The following RRN3 variants were observed in gnomAD, a reference collection of about 807,000 sequenced individuals.
RRN3 encodes RNA polymerase I transcription factor RRN3, also known as RNA polymerase I-specific transcription initiation factor RRN3.
A neutral mutation model predicts 82.3 loss-of-function variants in RRN3; 38 were observed. The observed-to-expected ratio is 0.46, with a 90% CI of 0.36 to 0.61. RRN3 has a LOEUF of 0.61. RRN3 is among the 20% of genes least tolerant of loss of function. The pLI, the probability that RRN3 is intolerant of heterozygous loss-of-function variation, is 0.00. For synonymous variants in RRN3, 284 were observed against 284.3 expected (o/e 1.00, Z 0.01); for missense variants, 726 against 793.1 (o/e 0.92, Z 1.02).
intron 3 of RRN3, among the ~76,000 whole-genome samples, chr16:15,086,683 T>C (rs2045927202): frequency 6.6e-6 from 1 of 152,190 alleles, no homozygotes; most frequent in South Asian, 2.1e-4. Flanking sequence ...AAGACTTAAA[T>C]GCAATACTTC....
intron 15 of RRN3, among the ~76,000 whole-genome samples, chr16:15,065,976 T>C (rs1452573396): frequency 6.6e-6 from 1 of 152,252 alleles, no homozygotes; most frequent in Non-Finnish European, 1.5e-5. Flanking sequence ...AAGACAATTA[T>C]GTTTTTAATT....
At chr16:15,083,166 C>T (rs957525999) in intron 8 of RRN3, among the ~76,000 whole-genome samples, 2 of 152,040 alleles carry the variant, frequency 1.3e-5, no homozygotes, top group African/African-American at 2.4e-5. Context: ...TTTGGGAGGC[C>T]GAGGCAGGCA....
intron 16 of RRN3, 143 bp downstream of exon 16, chr16:15,065,076 G>C (rs2044904167): frequency 1.3e-6 from 1 of 748,300 alleles, no homozygotes; most frequent in Non-Finnish European, 2.2e-6. Context: ...TGAGTCAGGA[G>C]AATGGTGTGA....
chr16:15,077,387 C>A (rs539609956), intron 9 of RRN3, among the ~76,000 whole-genome samples: 1 of 152,042 alleles, frequency 6.6e-6, no homozygotes, highest in African/African-American at 2.4e-5. Context: ...ATACTGTTCT[C>A]GTGATAGTGA....
chr16:15,085,839 A>G (rs1312864136), intron 5 of RRN3, 141 bp from the exon 6 acceptor site: 1 of 1,286,108 alleles, frequency 7.8e-7, no homozygotes, highest in Non-Finnish European at 1.1e-6. Context: ...CCAATGATTA[A>G]TTAAACGCAC....
intron 1 of RRN3, 148 bp downstream of exon 1, chr16:15,093,997 G>A (rs2046246548): frequency 1.5e-5 from 11 of 715,496 alleles, no homozygotes; most frequent in South Asian, 1.1e-4. Flanking sequence ...GGAGGAATGA[G>A]CTCATTTCTG....
intron 14 of RRN3, among the ~76,000 whole-genome samples, chr16:15,069,791 C>T (rs1373423649): frequency 1.3e-5 from 2 of 152,184 alleles, no homozygotes; most frequent in Non-Finnish European, 2.9e-5. Context: ...CTCAGCCTCA[C>T]CTCTGGAGAC....
Position 15,061,500 on chromosome 16 carries a change from A to C in RRN3, c.*244T>G, listed in dbSNP as rs1452710689. The C allele has an allele frequency of 2.5e-6, 1 of 401,176 alleles. No individual in the cohort carries two copies. Among genetic ancestry groups the C allele is most frequent in the Admixed American group, 4.3e-5 (1 of 23,278 alleles). 24.9% of individuals were successfully genotyped at this position (401,176 alleles called of 1,614,324 possible). On this transcript the variant is annotated 3_prime_UTR_variant, in exon 18 of 18. Coordinates refer to ENST00000198767, the MANE Select transcript of RRN3 (RefSeq NM_018427.5). ...TAAACAAGCAAATCCTTCCAAATGT[A>C]TCATCAACCCCACTGTAAAAGATTG...
chr16:15,093,791 T>G (rs147472440), intron 1 of RRN3, among the ~76,000 whole-genome samples: 116 of 152,296 alleles, frequency 7.6e-4, no homozygotes, highest in African/African-American at 2.5e-3. Flanking sequence ...AGTGACGACG[T>G]TCGGCTGATA....
At chr16:15,083,279 G>A (rs545798330) in intron 8 of RRN3, among the ~76,000 whole-genome samples, 18 of 152,180 alleles carry the variant, frequency 1.2e-4, no homozygotes, top group Admixed American at 9.2e-4. Flanking sequence ...GGCGCCTGCA[G>A]TCCCAGCTAA....
chr16:15,086,277 G>A lies in RRN3; in HGVS notation c.343-19C>T. The A allele has an allele frequency of 1.3e-6, 2 of 1,563,736 alleles. No individual in the cohort carries two copies. The highest frequency in any genetic ancestry group is 2.3e-5 in the East Asian group (1 of 44,338). ...GCAATCTCTAGAGTGGGGGAAGAAA[G>A]ATAAAAGCAGCATGTTATTAATATA... On this transcript the variant is annotated intron_variant, in intron 4 of 17. Coordinates refer to ENST00000198767, the MANE Select transcript of RRN3 (RefSeq NM_018427.5).
rs748028873 is a variant in RRN3 at position 15,078,176 on chromosome 16, G to C, written c.766-1526C>G. On this transcript the variant is annotated intron_variant, in intron 9 of 17. Transcript: ENST00000198767. ...ACTATAAAGAGTACATATACAGTTGGCCAGAGAGGTGCAACTCCAAGTGAG... is the reference window on the plus strand; with the variant it reads ...ACTATAAAGAGTACATATACAGTTGCCCAGAGAGGTGCAACTCCAAGTGAG... Among the ~76,000 whole-genome samples the C allele has an allele frequency of 1.0e-3, 159 of 152,124 alleles. 1 individual carries two copies. Among genetic ancestry groups the C allele is most frequent in the Admixed American group, 1.1e-3 (17 of 15,260 alleles).
chr16:15,090,220 G>C (rs1415635893), intron 3 of RRN3, among the ~76,000 whole-genome samples: 1 of 150,070 alleles, frequency 6.7e-6, no homozygotes, highest in Non-Finnish European at 1.5e-5. Context: ...TAAAAAAAAA[G>C]TCCACTGAAA....
chr16:15,073,321 T>C (rs2045317007), intron 11 of RRN3, among the ~76,000 whole-genome samples: 1 of 152,076 alleles, frequency 6.6e-6, no homozygotes, highest in African/African-American at 2.4e-5. Flanking sequence ...TAGCCAGGCA[T>C]GGTGGCACGC....
At position 15,083,944 on chromosome 16, in the gene RRN3, G is replaced by A. The variant is rs566718901; in HGVS notation, c.597-362C>T. 1.9e-3 allele frequency among the ~76,000 whole-genome samples: 294 copies of A among 152,212 alleles called. 4 individuals carry two copies. The highest frequency in any genetic ancestry group is 4.0e-4 in the Non-Finnish European group (27 of 67,998). On this transcript the variant is annotated intron_variant, in intron 7 of 17. Coordinates refer to ENST00000198767, the MANE Select transcript of RRN3 (RefSeq NM_018427.5). ...TTGGTCAGGCTGGTCTCGAACTCCC[G>A]ACCTCAGGTGATCCGCCCGCCTCGG...
At chr16:15,086,657 T>C (rs2045926352) in intron 3 of RRN3, among the ~76,000 whole-genome samples, 1 of 152,154 alleles carries the variant, frequency 6.6e-6, no homozygotes, top group Non-Finnish European at 1.5e-5. Context: ...ATCTAGTAAC[T>C]CTAATACACA....
rs779760731 is a variant in RRN3 at position 15,080,043 on chromosome 16, C to G, written c.720G>C (p.Arg240Ser). ...CAATAATAAGCTCCAGAATTTCATG[C>G]CTCAAGGTTGGAAAATATACACTAA... is the stretch of plus-strand genomic sequence containing the variant. ...LRISVYFPTL[R>S]HEILELIIEK... Residue 240 changes from arginine (R) to serine (S), a missense_variant, in exon 9 of 18, where the codon AGG (arginine) becomes AGC (serine). Physicochemically the swap from Arg to Ser is moderately radical, Grantham distance 110. Coordinates refer to ENST00000198767, the MANE Select transcript of RRN3 (RefSeq NM_018427.5). 6.2e-7 allele frequency: 1 copy of G among 1,601,814 alleles called. No individual in the cohort carries two copies. The highest frequency in any genetic ancestry group is 8.5e-7 in the Non-Finnish European group (1 of 1,174,080).
At chr16:15,074,127 T>A (rs1173355864) in intron 11 of RRN3, among the ~76,000 whole-genome samples, 1 of 152,202 alleles carries the variant, frequency 6.6e-6, no homozygotes, top group Non-Finnish European at 1.5e-5. Context: ...TATCCTTTCC[T>A]GTAGTTTCCA....
chr16:15,087,931 A>G (rs1345025655), intron 3 of RRN3, among the ~76,000 whole-genome samples: 1 of 152,086 alleles, frequency 6.6e-6, no homozygotes, highest in East Asian at 1.9e-4. Context: ...CCTAACCAAC[A>G]TGGAGAAACC....
Sources: allele counts gnomAD v4.1 joint callset (sites outside exome capture counted in the v4.1 genomes callset), GRCh38; gene constraint gnomAD v4.1.1; transcripts MANE v1.5; gene names NCBI Gene and HGNC (gene_info 2026-07-23, HGNC 2026-07-21).